TEX11: variants seen among roughly 807,000 people sequenced by gnomAD.
The protein encoded by TEX11 is testis-expressed protein 11.
In TEX11, 7 loss-of-function variants were observed where a neutral mutation model predicts 84.4. That is an observed-to-expected ratio of 0.08 (90% CI 0.05 to 0.16). The LOEUF (loss-of-function observed/expected upper bound fraction) is 0.16, where lower values mean the gene tolerates loss of function less well. Among genes scored for constraint, TEX11 ranks in the 10% least tolerant of loss-of-function variants. The pLI, the probability that TEX11 is intolerant of heterozygous loss-of-function variation, is 1.00. For missense variants in TEX11, 551 were observed against 660.5 expected (o/e 0.83, Z 1.82); for synonymous variants, 264 against 222.8 (o/e 1.18, Z -1.64).
chrX:70,572,355 G>T (rs2088611984), intron 25 of TEX11, among the ~76,000 whole-genome samples: 1 of 111,516 alleles, frequency 9.0e-6, no homozygotes, highest in African/African-American at 3.3e-5. Flanking sequence ...GAAACAACAG[G>T]TGCTGGAGAG....
intron 9 of TEX11, among the ~76,000 whole-genome samples, chrX:70,787,862 G>A (rs1294129387): frequency 1.8e-5 from 2 of 111,092 alleles, no homozygotes; most frequent in African/African-American, 3.3e-5. Flanking sequence ...AAAATCAATA[G>A]TGTTTCTAGG....
At chrX:70,594,148 TGATTAA>T (rs2088973043) in intron 24 of TEX11, among the ~76,000 whole-genome samples, 1 of 111,270 alleles carries the variant, frequency 9.0e-6, no homozygotes, top group Non-Finnish European at 1.9e-5. Context: ...CATGTACGGG[TGATTAA>T]GATTAATAGC....
At chrX:70,625,885 T>C (rs1355174294) in intron 18 of TEX11, among the ~76,000 whole-genome samples, 1 of 107,432 alleles carries the variant, frequency 9.3e-6, no homozygotes, top group Non-Finnish European at 1.9e-5. Flanking sequence ...GTAGCTGGGA[T>C]TACAGGCACC....
chrX:70,636,434 TG>T (rs1181023971), intron 17 of TEX11, among the ~76,000 whole-genome samples: 1 of 110,545 alleles, frequency 9.0e-6, no homozygotes, highest in Non-Finnish European at 1.9e-5. Context: ...CTAGCCCCCA[TG>T]GACTGAGGCT....
At chrX:70,746,193 T>A (rs745357131) in intron 9 of TEX11, among the ~76,000 whole-genome samples, 16 of 111,455 alleles carry the variant, frequency 1.4e-4, no homozygotes, top group Non-Finnish European at 9.4e-5. Flanking sequence ...AGATAGGAAT[T>A]CCCTCTCCCG....
chrX:70,714,595 T>C (rs891513249), intron 13 of TEX11, among the ~76,000 whole-genome samples: 2 of 111,769 alleles, frequency 1.8e-5, no homozygotes, highest in Non-Finnish European at 3.8e-5. Context: ...GTCTGTATTA[T>C]CAGAGACTAG....
intron 25 of TEX11, among the ~76,000 whole-genome samples, chrX:70,582,797 G>C (rs1307845327): frequency 1.9e-5 from 2 of 105,937 alleles, no homozygotes; most frequent in African/African-American, 7.0e-5. Context: ...CCAGGCTGGA[G>C]TGCAGTGGCA....
At chrX:70,790,048 CAT>C (rs780628482) in intron 9 of TEX11, among the ~76,000 whole-genome samples, 2 of 112,307 alleles carry the variant, frequency 1.8e-5, no homozygotes, top group African/African-American at 6.5e-5. Flanking sequence ...TCAAATACCA[CAT>C]GTTTTAAATT....
intron 10 of TEX11, among the ~76,000 whole-genome samples, chrX:70,741,563 T>C (rs948073981): frequency 2.7e-5 from 3 of 111,592 alleles, no homozygotes; most frequent in Non-Finnish European, 5.6e-5. Context: ...CACTTGAGAC[T>C]TGTGAAGTTT....
chrX:70,560,893 GTTTTTTTTTTTTT>G (rs745618647), intron 25 of TEX11, among the ~76,000 whole-genome samples: 7 of 33,593 alleles, frequency 2.1e-4, no homozygotes, highest in South Asian at 3.6e-3. Context: ...CACCACACCG[GTTTTTTTTTTTTT>G]TTTTTTTTTT....
At chrX:70,877,718 AC>A (rs1388899868) in intron 3 of TEX11, among the ~76,000 whole-genome samples, 14 of 112,081 alleles carry the variant, frequency 1.2e-4, no homozygotes, top group Non-Finnish European at 2.3e-4. Flanking sequence ...AAATTCTGAC[AC>A]ATGCTGCAAC....
At chrX:70,772,449 C>T (rs769262839) in intron 9 of TEX11, among the ~76,000 whole-genome samples, 1 of 110,689 alleles carries the variant, frequency 9.0e-6, no homozygotes, top group Non-Finnish European at 1.9e-5. Flanking sequence ...TGACGCACAC[C>T]TGTGGTCCCA....
At position 70,647,665 on chromosome X, in the gene TEX11, C is replaced by CA. The variant is rs749445416; in HGVS notation, c.1483+3784dup. 2.7e-3 allele frequency among the ~76,000 whole-genome samples: 149 copies of CA among 56,114 alleles called. 2 individuals carry two copies. The highest frequency in any genetic ancestry group is 0.012 in the East Asian group (16 of 1,352). 48.7% of individuals were successfully genotyped at this position (56,114 alleles called of 115,157 possible). On this transcript the variant is annotated intron_variant, in intron 17 of 29. Transcript: ENST00000374333. ...TGGGTGACAGAGTAAGACCTTGCTT[C>CA]AAAAAAATAAAAAATAAAAAAAGGA...
chrX:70,523,927 C>A, the TEX11 span, among the ~76,000 whole-genome samples: 1 of 110,235 alleles, frequency 9.1e-6, no homozygotes, highest in South Asian at 3.9e-4. Flanking sequence ...GTTTATAAAC[C>A]CTTTACCTAA....
intron 8 of TEX11, among the ~76,000 whole-genome samples, chrX:70,828,421 T>A (rs1299289615): frequency 1.8e-5 from 2 of 110,287 alleles, no homozygotes; most frequent in African/African-American, 6.6e-5. Flanking sequence ...CAAGCAGAAA[T>A]GCTGGAGTTG....
intron 9 of TEX11, among the ~76,000 whole-genome samples, chrX:70,760,233 T>G (rs1186768218): frequency 8.9e-6 from 1 of 111,883 alleles, no homozygotes; most frequent in Non-Finnish European, 1.9e-5. Flanking sequence ...AAGCTACCAA[T>G]GACTTTCTTC....
In TEX11 at chrX:70,825,101, G is replaced by A. The variant is rs2091337940; in HGVS notation, c.606+8412C>T. On this transcript the variant is annotated intron_variant, in intron 8 of 29. Coordinates refer to ENST00000374333, the MANE Select transcript of TEX11 (RefSeq NM_031276.3). ...GGCGGAGGCGGGCAGATCACTTGAG[G>A]TCAATTCTGAGACCAGCCTGGCCAA... Among the ~76,000 whole-genome samples, 4 of 110,575 alleles carry A rather than the reference G, an allele frequency of 3.6e-5. No homozygotes were observed. The South Asian group carries it at 1.5e-3, about 43-fold the overall frequency.
intron 9 of TEX11, among the ~76,000 whole-genome samples, chrX:70,755,075 G>A (rs1479726890): frequency 8.9e-6 from 1 of 111,989 alleles, no homozygotes; most frequent in East Asian, 2.8e-4. Flanking sequence ...AGACACTGAA[G>A]AACATCTACA....
At chrX:70,750,934 ATATATAT>A (rs1270356734) in intron 9 of TEX11, among the ~76,000 whole-genome samples, 6 of 20,786 alleles carry the variant, frequency 2.9e-4, no homozygotes, top group South Asian at 8.0e-3. Flanking sequence ...AAAAAAAAAA[ATATATAT>A]ATATATATAT....
Sources: gnomAD v4.1 joint callset for allele counts (sites outside exome capture counted in the v4.1 genomes callset) on GRCh38, gnomAD v4.1.1 for gene constraint, MANE v1.5 for transcripts, NCBI Gene and HGNC (gene_info 2026-07-23, HGNC 2026-07-21) for gene names.